The following HYCC1 variants were observed in gnomAD, a reference collection of about 807,000 sequenced individuals.
HYCC1 encodes the protein hyccin.
chr7:22,966,124 C>T, the HYCC1 span, among the ~76,000 whole-genome samples: 1 of 152,054 alleles, frequency 6.6e-6, no homozygotes. Flanking sequence ...GCAGCATAAT[C>T]CCATTTTGCA....
the HYCC1 span, chr7:22,936,268 A>G: frequency 6.6e-6 from 1 of 152,086 alleles, no homozygotes; most frequent in African/African-American, 2.4e-5. Flanking sequence ...GCCACTAACT[A>G]TCTGGTCACC....
the HYCC1 span, among the ~76,000 whole-genome samples, chr7:22,962,752 C>T: frequency 3.3e-5 from 5 of 149,546 alleles, no homozygotes; most frequent in Admixed American, 2.0e-4. Context: ...CCCCCATTTC[C>T]ATGCCCCCCC....
chr7:22,951,989 A>G, the HYCC1 span, among the ~76,000 whole-genome samples: 2 of 152,148 alleles, frequency 1.3e-5, no homozygotes, highest in East Asian at 3.9e-4. Flanking sequence ...TCAACAAAAC[A>G]AGAAAAGAAA....
the HYCC1 span, among the ~76,000 whole-genome samples, chr7:22,995,472 A>G: frequency 6.6e-6 from 1 of 152,186 alleles, no homozygotes; most frequent in Non-Finnish European, 1.5e-5. Flanking sequence ...GTCTATGATC[A>G]TAGCCTAGAC....
chr7:22,979,630 G>A, the HYCC1 span, among the ~76,000 whole-genome samples: 9 of 152,090 alleles, frequency 5.9e-5, no homozygotes, highest in African/African-American at 2.2e-4. Context: ...TTGAATTGTG[G>A]CATAACATCC....
chr7:22,930,933 A>G, the HYCC1 span, among the ~76,000 whole-genome samples: 1 of 152,128 alleles, frequency 6.6e-6, no homozygotes, highest in East Asian at 1.9e-4. Flanking sequence ...AAAATTCAAC[A>G]TTCATTCATG....
At chr7:22,995,749 T>C in the HYCC1 span, among the ~76,000 whole-genome samples, 2 of 152,076 alleles carry the variant, frequency 1.3e-5, no homozygotes, top group African/African-American at 4.8e-5. Context: ...TTCCAGGAGG[T>C]AGAGCTTAGT....
chr7:22,995,330 C>T, the HYCC1 span, among the ~76,000 whole-genome samples: 1 of 152,134 alleles, frequency 6.6e-6, no homozygotes, highest in South Asian at 2.1e-4. Context: ...TGCTTTCAAA[C>T]AACTCCTGCT....
chr7:22,919,145 AG>A, the HYCC1 span, among the ~76,000 whole-genome samples: 1 of 152,222 alleles, frequency 6.6e-6, no homozygotes, highest in Non-Finnish European at 1.5e-5. Flanking sequence ...TGCATGTGAG[AG>A]GGGCTAGATT....
chr7:22,908,791 G>T, the HYCC1 span, among the ~76,000 whole-genome samples: 4 of 152,216 alleles, frequency 2.6e-5, no homozygotes, highest in African/African-American at 9.6e-5. Context: ...GTTTACCTGG[G>T]GGCCTTGGGC....
chr7:23,001,297 G>A, the HYCC1 span, among the ~76,000 whole-genome samples: 2 of 152,210 alleles, frequency 1.3e-5, no homozygotes, highest in East Asian at 3.9e-4. Flanking sequence ...ACTTAAAGAA[G>A]TAACTTGCCC....
chr7:23,006,630 A>C, the HYCC1 span, among the ~76,000 whole-genome samples: 1 of 152,180 alleles, frequency 6.6e-6, no homozygotes, highest in Non-Finnish European at 1.5e-5. Flanking sequence ...ATCACTCAAC[A>C]TAATAGTAAA....
the HYCC1 span, among the ~76,000 whole-genome samples, chr7:22,983,352 T>C: frequency 6.6e-6 from 1 of 151,364 alleles, no homozygotes; most frequent in South Asian, 2.1e-4. Flanking sequence ...AAATCTAAAT[T>C]AGCCATCTGA....
At chr7:22,991,805 A>G in the HYCC1 span, among the ~76,000 whole-genome samples, 2 of 152,120 alleles carry the variant, frequency 1.3e-5, no homozygotes, top group Admixed American at 6.6e-5. Flanking sequence ...TTTGTATGGG[A>G]GTAGACTTGG....
At chr7:22,994,231 A>C in the HYCC1 span, among the ~76,000 whole-genome samples, 2 of 152,236 alleles carry the variant, frequency 1.3e-5, no homozygotes, top group African/African-American at 4.8e-5. Context: ...TATACTGTAC[A>C]ATATCTGAAA....
the HYCC1 span, among the ~76,000 whole-genome samples, chr7:22,899,347 G>A: frequency 1.3e-5 from 2 of 152,108 alleles, no homozygotes; most frequent in Admixed American, 1.3e-4. Context: ...GGGGATGCTG[G>A]CATAGAGGAA....
the HYCC1 span, among the ~76,000 whole-genome samples, chr7:22,932,779 G>A: frequency 6.6e-6 from 1 of 152,148 alleles, no homozygotes; most frequent in Non-Finnish European, 1.5e-5. Context: ...AGGGACGACT[G>A]TATGGGATTG....
At chr7:23,001,334 A>C in the HYCC1 span, among the ~76,000 whole-genome samples, 1 of 152,202 alleles carries the variant, frequency 6.6e-6, no homozygotes, top group Non-Finnish European at 1.5e-5. Context: ...AAAGTGGTTA[A>C]GTTAGGGTTA....
At chr7:22,942,350 A>G in the HYCC1 span, 1 of 152,152 alleles carries the variant, frequency 6.6e-6, no homozygotes, top group Non-Finnish European at 1.5e-5. Context: ...AAGTCTTGAG[A>G]GCTTGCCTTA....
Sources: allele counts gnomAD v4.1 joint callset (sites outside exome capture counted in the v4.1 genomes callset), GRCh38; gene constraint gnomAD v4.1.1; transcripts MANE v1.5; gene names NCBI Gene and HGNC (gene_info 2026-07-23, HGNC 2026-07-21).